Variants in UGT2B4 observed in about 807,000 individuals in gnomAD.
The protein encoded by UGT2B4 is UDP glucuronosyltransferase family 2 member B4.
A neutral mutation model predicts 49.8 loss-of-function variants in UGT2B4; 49 were observed. The ratio of observed to expected loss-of-function variants is 0.98; its 90% CI spans 0.78 to 1.25. The LOEUF is 1.25. UGT2B4 is among the 50% of genes most tolerant of loss of function. UGT2B4 has a pLI of 0.00. For missense variants in UGT2B4, 729 were observed against 627.7 expected (o/e 1.16, Z -1.73); for synonymous variants, 246 against 217.7 (o/e 1.13, Z -1.14).
exon 1 of UGT2B4, chr4:69,525,825 G>A: frequency 1.1e-6 from 1 of 894,448 alleles, no homozygotes; most frequent in Non-Finnish European, 1.5e-6. Flanking sequence ...CTCCAGGCTG[G>A]GCGAGGTGGC....
rs1340465389 is a variant in UGT2B4 at position 69,495,550 on chromosome 4, T to C, written c.312A>G (p.Thr104=). The part of the protein sequence containing the change: ...VKRWAELPKD[T]FWSYFSQVQE... ...GTACTTGTGAAAAATATGACCAAAA[T>C]GTGTCTTTTGGAAGTTCTGCCCATC... is the stretch of plus-strand genomic sequence containing the variant. Residue 104 remains threonine, a synonymous_variant, in exon 1 of 6, where the codon ACA becomes ACG. Transcript: ENST00000305107. The C allele has an allele frequency of 6.2e-7, 1 of 1,613,576 alleles. No individual in the cohort carries two copies. Among genetic ancestry groups the C allele is most frequent in the East Asian group, 2.2e-5 (1 of 44,774 alleles).
At chr4:69,492,936 T>C (rs559081886) in intron 2 of UGT2B4, among the ~76,000 whole-genome samples, 1 of 152,230 alleles carries the variant, frequency 6.6e-6, no homozygotes, top group East Asian at 1.9e-4. Flanking sequence ...GGAATCTTTT[T>C]TTAAAAACTA....
At chr4:69,481,231 T>A (rs1727583288) in intron 5 of UGT2B4, among the ~76,000 whole-genome samples, 1 of 151,054 alleles carries the variant, frequency 6.6e-6, no homozygotes, top group Non-Finnish European at 1.5e-5. Flanking sequence ...ATCACACCAC[T>A]GCACTCCAGC....
chr4:69,509,773 C>G (rs978088030), intron 1 of UGT2B4, among the ~76,000 whole-genome samples: 3 of 151,988 alleles, frequency 2.0e-5, no homozygotes, highest in South Asian at 2.1e-4. Context: ...AGATACATAT[C>G]TTGACAGTAT....
intron 1 of UGT2B4, among the ~76,000 whole-genome samples, chr4:69,514,785 C>A (rs1164439383): frequency 6.6e-6 from 1 of 151,870 alleles, no homozygotes; most frequent in South Asian, 2.1e-4. Context: ...GTTGAACCAC[C>A]CTTACAGACA....
At chr4:69,500,668 A>AGAAG (rs1383264448), upstream of UGT2B4, among the ~76,000 whole-genome samples, 35 of 110,276 alleles carry the variant, frequency 3.2e-4, no homozygotes, top group African/African-American at 9.0e-4. Context: ...AAAGAAAGAA[A>AGAAG]GGAAGGAAAG....
intron 1 of UGT2B4, among the ~76,000 whole-genome samples, chr4:69,524,347 T>C (rs1433420906): frequency 5.3e-5 from 8 of 151,756 alleles, no homozygotes; most frequent in Non-Finnish European, 1.2e-4. Flanking sequence ...GAGAGCTTTG[T>C]AAGATTATTA....
chr4:69,511,019 G>T (rs1369275142), intron 1 of UGT2B4, among the ~76,000 whole-genome samples: 1 of 126,060 alleles, frequency 7.9e-6, no homozygotes, highest in Non-Finnish European at 1.6e-5. Context: ...AGACAGTCTC[G>T]CTCTATCATC....
At chr4:69,499,901 T>A (rs1273289696), upstream of UGT2B4, among the ~76,000 whole-genome samples, 1 of 152,096 alleles carries the variant, frequency 6.6e-6, no homozygotes, top group Non-Finnish European at 1.5e-5. Context: ...ACTGAGTATA[T>A]ACCCAAAGAA....
At chr4:69,481,366 A>C (rs887578010) in intron 5 of UGT2B4, among the ~76,000 whole-genome samples, 5 of 152,210 alleles carry the variant, frequency 3.3e-5, no homozygotes, top group African/African-American at 1.2e-4. Flanking sequence ...TAGAATTGAC[A>C]TAGAATGTGT....
chr4:69,519,700 A>G (rs1222642169), intron 1 of UGT2B4, among the ~76,000 whole-genome samples: 1 of 152,234 alleles, frequency 6.6e-6, no homozygotes, highest in African/African-American at 2.4e-5. Context: ...TTCACCCTAA[A>G]ACAGTTCTGT....
intron 1 of UGT2B4, among the ~76,000 whole-genome samples, chr4:69,518,590 G>C (rs191334900): frequency 1.3e-5 from 2 of 152,156 alleles, no homozygotes; most frequent in African/African-American, 4.8e-5. Flanking sequence ...TTAAGCAACT[G>C]TCTAGAACTT....
At chr4:69,494,080 A>G (rs1394463675) in intron 1 of UGT2B4, among the ~76,000 whole-genome samples, 1 of 152,192 alleles carries the variant, frequency 6.6e-6, no homozygotes, top group Admixed American at 6.6e-5. Context: ...TGCATCCCTC[A>G]TGTCACATCA....
chr4:69,520,182 C>A (rs1728815599), intron 1 of UGT2B4, among the ~76,000 whole-genome samples: 1 of 152,130 alleles, frequency 6.6e-6, no homozygotes, highest in Non-Finnish European at 1.5e-5. Context: ...CAATATATCA[C>A]ATATACTTGA....
At chr4:69,496,654 C>T (rs911936672), upstream of UGT2B4, among the ~76,000 whole-genome samples, 4 of 152,110 alleles carry the variant, frequency 2.6e-5, no homozygotes, top group African/African-American at 7.2e-5. Context: ...ACCCTATAAG[C>T]TTTAGCCTTT....
At position 69,486,845 on chromosome 4, in the gene UGT2B4, C is replaced by T. The variant is rs144399911; in HGVS notation, c.1003-149G>A. ...TGATGTAAATAGAATACTCATATTT[C>T]ATTTCCTTAATTTCATAATTAGGTA... On this transcript the variant is annotated intron_variant, in intron 3 of 5. Coordinates refer to ENST00000305107, the MANE Select transcript of UGT2B4 (RefSeq NM_021139.3). 9.1e-5 allele frequency: 44 copies of T among 485,538 alleles called. No individual in the cohort carries two copies. In the East Asian group the frequency reaches 1.6e-3, roughly 18 times the overall value. 30.1% of individuals were successfully genotyped at this position (485,538 alleles called of 1,614,324 possible).
chr4:69,519,906 C>T (rs1221631765), intron 1 of UGT2B4, among the ~76,000 whole-genome samples: 1 of 152,084 alleles, frequency 6.6e-6, no homozygotes. Context: ...TTGCTCTGTC[C>T]CACTCTCACA....
chr4:69,502,135 T>TTCTTTCTTTCTTTCTTTCTTTCTTTCTC (rs1728350872), intron 1 of UGT2B4, among the ~76,000 whole-genome samples: 1 of 137,680 alleles, frequency 7.3e-6, no homozygotes, highest in African/African-American at 2.9e-5. Context: ...CTTTCTTTCT[T>TTCTTTCTTTCTTTCTTTCTTTCTTTCTC]TCTTTCTTTC....
chr4:69,518,470 T>C (rs1427894941), intron 1 of UGT2B4: 2 of 152,178 alleles, frequency 1.3e-5, no homozygotes, highest in Non-Finnish European at 2.9e-5. Context: ...AATGACAATT[T>C]AGGCAAACCA....
Sources: gnomAD v4.1 joint callset for allele counts (sites outside exome capture counted in the v4.1 genomes callset) on GRCh38, gnomAD v4.1.1 for gene constraint, MANE v1.5 for transcripts, NCBI Gene and HGNC (gene_info 2026-07-23, HGNC 2026-07-21) for gene names.